PTPRD: variants seen among roughly 807,000 people sequenced by gnomAD.
The protein encoded by PTPRD is receptor-type tyrosine-protein phosphatase delta.
PTPRD carries 34 observed loss-of-function variants against 214.5 expected under a neutral mutation model. The observed-to-expected ratio is 0.16, with a 90% CI of 0.12 to 0.21. The LOEUF (loss-of-function observed/expected upper bound fraction) is 0.21. Among genes scored for constraint, PTPRD ranks in the 10% least tolerant of loss-of-function variants. PTPRD has a pLI of 1.00. For missense variants in PTPRD, 2,545 were observed against 2,398.7 expected, an observed-to-expected ratio of 1.06 and a Z score of -1.27; for synonymous variants, 1,128 against 845.7, an observed-to-expected ratio of 1.33 and a Z score of -5.79.
chr9:8,466,684 T>A (rs2096550614), intron 31 of PTPRD, among the ~76,000 whole-genome samples: 1 of 151,908 alleles, frequency 6.6e-6, no homozygotes, highest in South Asian at 2.1e-4. Context: ...GAAGAATTTT[T>A]ATTTTATTTA....
At chr9:9,659,134 A>T (rs1056291851) in intron 7 of PTPRD, among the ~76,000 whole-genome samples, 1 of 152,120 alleles carries the variant, frequency 6.6e-6, no homozygotes, top group Non-Finnish European at 1.5e-5. Context: ...ACTAAACTAT[A>T]TATTAGTATT....
At chr9:9,355,580 G>A (rs1418239786) in intron 9 of PTPRD, among the ~76,000 whole-genome samples, 1 of 151,440 alleles carries the variant, frequency 6.6e-6, no homozygotes, top group Non-Finnish European at 1.5e-5. Flanking sequence ...TTAGTTTTTG[G>A]ACAAGTTTCA....
At position 8,984,348 on chromosome 9, in the gene PTPRD, T is replaced by A. The variant is rs1023851551; in HGVS notation, c.-104+34349A>T. Among the ~76,000 whole-genome samples the A allele has an allele frequency of 2.4e-4, 36 of 152,072 alleles. 1 individual carries two copies. The highest frequency in any genetic ancestry group is 7.7e-4 in the African/African-American group (32 of 41,438). On this transcript the variant is annotated intron_variant, in intron 11 of 45. Coordinates refer to ENST00000381196, the MANE Select transcript of PTPRD (RefSeq NM_002839.4). The stretch of plus-strand genomic sequence containing the variant: ...TAAAGAACAGAAATGAATTGTTTTT[T>A]AAAAAATAAATAAGTACGATGAATC...
At chr9:9,224,982 C>G (rs73641264) in intron 9 of PTPRD, among the ~76,000 whole-genome samples, 1 of 151,978 alleles carries the variant, frequency 6.6e-6, no homozygotes, top group Non-Finnish European at 1.5e-5. Flanking sequence ...TTGGTGAATA[C>G]TAACTTGATC....
At chr9:9,969,277 G>A (rs2094927802) in intron 4 of PTPRD, among the ~76,000 whole-genome samples, 1 of 152,132 alleles carries the variant, frequency 6.6e-6, no homozygotes, top group African/African-American at 2.4e-5. Context: ...TCTAGTGGGA[G>A]ATGAAGCTGA....
At chr9:9,631,894 T>C (rs141163615) in intron 7 of PTPRD, among the ~76,000 whole-genome samples, 1 of 152,296 alleles carries the variant, frequency 6.6e-6, no homozygotes, top group East Asian at 1.9e-4. Context: ...GATAAATCAT[T>C]ACATGTCAAT....
chr9:8,353,803 C>A (rs1564198805), intron 39 of PTPRD, among the ~76,000 whole-genome samples: 1 of 107,774 alleles, frequency 9.3e-6, no homozygotes, highest in African/African-American at 5.3e-5. Context: ...ATTTGAGACT[C>A]CTTCTCAAAA....
At chr9:10,501,072 A>C (rs1343855809) in intron 2 of PTPRD, among the ~76,000 whole-genome samples, 1 of 151,934 alleles carries the variant, frequency 6.6e-6, no homozygotes, top group Non-Finnish European at 1.5e-5. Flanking sequence ...GGGTTGCTGT[A>C]TCTTATGGTA....
intron 5 of PTPRD, among the ~76,000 whole-genome samples, chr9:9,826,023 T>C (rs1307484757): frequency 6.6e-6 from 1 of 151,842 alleles, no homozygotes; most frequent in Non-Finnish European, 1.5e-5. Flanking sequence ...CAGGAAATTA[T>C]TCATGATCAT....
intron 35 of PTPRD, among the ~76,000 whole-genome samples, chr9:8,411,694 A>G (rs779763013): frequency 6.6e-5 from 10 of 152,242 alleles, no homozygotes; most frequent in Non-Finnish European, 1.2e-4. Context: ...ACAATGTGCT[A>G]GAGGAATAAG....
chr9:10,464,729 A>AG (rs1405254639), intron 2 of PTPRD, among the ~76,000 whole-genome samples: 2 of 152,230 alleles, frequency 1.3e-5, no homozygotes, highest in East Asian at 3.9e-4. Flanking sequence ...TAGAAAAAAA[A>AG]ACTCATCGTC....
chr9:8,481,264 C>A (rs903569308), intron 30 of PTPRD, among the ~76,000 whole-genome samples: 14 of 148,974 alleles, frequency 9.4e-5, no homozygotes, highest in African/African-American at 3.5e-4. Flanking sequence ...TAGTAATAAT[C>A]TTTCAGAAAT....
chr9:9,758,926 A>T (rs1451423293), intron 6 of PTPRD, among the ~76,000 whole-genome samples: 2 of 152,180 alleles, frequency 1.3e-5, no homozygotes, highest in Non-Finnish European at 2.9e-5. Context: ...GTGACTGAAA[A>T]GCTATAGAAT....
intron 9 of PTPRD, among the ~76,000 whole-genome samples, chr9:9,219,290 G>T (rs1277640285): frequency 6.6e-6 from 1 of 151,932 alleles, no homozygotes; most frequent in East Asian, 1.9e-4. Flanking sequence ...TAGTACAATT[G>T]ATTTTGTTTT....
At chr9:8,609,555 G>T (rs895353457) in intron 14 of PTPRD, among the ~76,000 whole-genome samples, 3 of 152,192 alleles carry the variant, frequency 2.0e-5, no homozygotes, top group African/African-American at 7.2e-5. Flanking sequence ...GTTACCATGT[G>T]AAGATCTCTG....
chr9:10,357,141 A>G (rs2097294349), intron 2 of PTPRD, among the ~76,000 whole-genome samples: 1 of 152,180 alleles, frequency 6.6e-6, no homozygotes, highest in Admixed American at 6.5e-5. Context: ...AGAACTAGCA[A>G]ATATAACAGA....
At chr9:9,270,943 T>C (rs1386789830) in intron 9 of PTPRD, among the ~76,000 whole-genome samples, 3 of 151,286 alleles carry the variant, frequency 2.0e-5, no homozygotes, top group Admixed American at 2.0e-4. Flanking sequence ...AGTACTTGCA[T>C]AAACACTGGA....
At chr9:9,713,670 C>T (rs945199649) in intron 7 of PTPRD, among the ~76,000 whole-genome samples, 1 of 152,054 alleles carries the variant, frequency 6.6e-6, no homozygotes, top group African/African-American at 2.4e-5. Context: ...CATAAATCAC[C>T]GTTTCAAGAG....
At chr9:10,223,073 CCT>C (rs2154350510) in intron 3 of PTPRD, among the ~76,000 whole-genome samples, 1 of 151,796 alleles carries the variant, frequency 6.6e-6, no homozygotes, top group South Asian at 2.1e-4. Context: ...TATTGTTCAT[CCT>C]CTCTTTTCAT....
Sources: allele counts gnomAD v4.1 joint callset (sites outside exome capture counted in the v4.1 genomes callset), GRCh38; gene constraint gnomAD v4.1.1; transcripts MANE v1.5; gene names NCBI Gene and HGNC (gene_info 2026-07-23, HGNC 2026-07-21).